CCDC187: variants seen among roughly 807,000 people sequenced by gnomAD.
The protein encoded by CCDC187 is coiled-coil domain-containing protein 187.
Under a neutral mutation model 38.0 loss-of-function variants are expected in CCDC187, and 32 were observed. The ratio of observed to expected loss-of-function variants is 0.84; its 90% CI spans 0.64 to 1.13. The LOEUF is 1.13. CCDC187 is among the 50% of genes most tolerant of loss of function. CCDC187 has a pLI of 0.00. For missense variants in CCDC187, 707 were observed against 786.8 expected (o/e 0.90, Z 1.21); for synonymous variants, 333 against 347.9 (o/e 0.96, Z 0.48).
rs1446467102 is a variant in CCDC187, at chr9:136,286,152, C to T, written c.2766G>A (p.Ser922=). The T allele has an allele frequency of 4.5e-5, 18 of 398,596 alleles. No homozygotes were observed. The highest frequency in any genetic ancestry group is 1.2e-4 in the African/African-American group (6 of 48,772). The allele number at this position is 398,596 out of a possible 1,614,324, so 24.7% of individuals were successfully genotyped here. A position where few individuals can be genotyped will look rare whatever the true frequency, so the allele number is the denominator to read the frequency against. ...GCTGTTGCTCCCAGCTGGGGCCCCA[C>T]GACAGTGTCTCGCCGTCCAGGAAGT... The part of the protein sequence containing the change: ...PTYFLDGETL[S]WGPSWEQQQS... The change falls in exon 8 of 26, where the codon TCG becomes TCA. Residue 922 remains serine (S), a synonymous_variant. Coordinates refer to ENST00000638797, the MANE Select transcript of CCDC187 (RefSeq NM_001378188.1).
chr9:136,279,660 C>G (rs1831001612), intron 10 of CCDC187, among the ~76,000 whole-genome samples: 1 of 152,232 alleles, frequency 6.6e-6, no homozygotes, highest in African/African-American at 2.4e-5. Flanking sequence ...AGAACGGAGC[C>G]CCATCCCAGC....
At chr9:136,283,698 G>A (rs1483096349) in intron 9 of CCDC187, among the ~76,000 whole-genome samples, 11 of 152,226 alleles carry the variant, frequency 7.2e-5, no homozygotes, top group African/African-American at 2.4e-4. Context: ...GCTGCACCCA[G>A]GCTGTGCCAG....
Position 136,257,092 on chromosome 9 carries a change from C to T in CCDC187, c.4367-251G>A, listed in dbSNP as rs1343070203. ...GAAAATTCGTTTAGAATTCAGAGGC[C>T]GGCTGGGCGCAGTGGCTCACGCCTA... On this transcript the variant is annotated intron_variant, in intron 22 of 25. Coordinates refer to ENST00000638797, the MANE Select transcript of CCDC187 (RefSeq NM_001378188.1). The surrounding 1 kb of genome is among the most constrained non-coding windows in gnomAD (Gnocchi z 4.5). 2.6e-5 allele frequency among the ~76,000 whole-genome samples: 4 copies of T among 152,156 alleles called. No individual in the cohort carries two copies. Among genetic ancestry groups the T allele is most frequent in the Admixed American group, 6.5e-5 (1 of 15,274 alleles).
At chr9:136,292,726 C>A (rs1475623919) in intron 4 of CCDC187, among the ~76,000 whole-genome samples, 2 of 152,208 alleles carry the variant, frequency 1.3e-5, no homozygotes, top group East Asian at 3.9e-4. Flanking sequence ...TGCTGCACAT[C>A]GGGCTCCGCG....
At chr9:136,270,207 G>T (rs782792712) in intron 14 of CCDC187, among the ~76,000 whole-genome samples, 2 of 152,200 alleles carry the variant, frequency 1.3e-5, no homozygotes, top group African/African-American at 4.8e-5. Flanking sequence ...AAAGACACAA[G>T]GCAAAGAGAG....
intron 4 of CCDC187, among the ~76,000 whole-genome samples, chr9:136,294,077 C>T (rs1054579618): frequency 0.017 from 2,497 of 150,930 alleles, 74 homozygotes; most frequent in African/African-American, 0.055. Flanking sequence ...CACACTCACA[C>T]GCTCATATAC....
In CCDC187 at chr9:136,254,521, G is replaced by A. The variant is rs145592286; in HGVS notation, c.5307C>T (p.Asp1769=). ...TGGCCCCGGTACAGGGTTCTGGCAG[G>A]TCCTCCTCGCAGTCCTCCTCCCAAA... The part of the protein sequence containing the change: ...SKVWEEDCEE[D]LPEPCTGAKP... Residue 1769 remains aspartate (D), a synonymous_variant, in exon 26 of 26, where the codon GAC becomes GAT. Coordinates refer to ENST00000638797, the MANE Select transcript of CCDC187 (RefSeq NM_001378188.1). 1.4e-5 allele frequency: 14 copies of A among 985,476 alleles called. No homozygotes were observed. The African/African-American group carries it at 2.3e-4, about 16-fold the overall frequency. 61.0% of individuals were successfully genotyped at this position (985,476 alleles called of 1,614,324 possible). A position where few individuals can be genotyped will look rare whatever the true frequency, so the allele number is the denominator to read the frequency against.
chr9:136,293,523 A>G (rs1373930290), intron 4 of CCDC187, among the ~76,000 whole-genome samples: 2 of 85,822 alleles, frequency 2.3e-5, no homozygotes, highest in Admixed American at 1.3e-4. Context: ...ACATGCTCAC[A>G]TACACGCTTA....
Position 136,255,738 on chromosome 9 carries a change from A to G in CCDC187, c.4617-5T>C, listed in dbSNP as rs1432832377. The stretch of plus-strand genomic sequence containing the variant: ...TCCTGCTGACAGGCCTCCGTCCTGC[A>G]AGCACATTCGTGGAGAACCCTGTGG... On this transcript the variant is annotated splice_region_variant and splice_polypyrimidine_tract_variant and intron_variant, in intron 24 of 25. Coordinates refer to ENST00000638797, the MANE Select transcript of CCDC187 (RefSeq NM_001378188.1). The G allele has an allele frequency of 6.1e-6, 6 of 985,224 alleles. No individual in the cohort carries two copies. The African/African-American group carries it at 1.0e-4, about 17-fold the overall frequency. The allele number at this position is 985,224 out of a possible 1,614,324, so 61.0% of individuals were successfully genotyped here.
At position 136,285,495 on chromosome 9, in the gene CCDC187, GT is replaced by G; in HGVS notation, c.2927+17del. ...GGTGGGCAGGTGGGCAGGTGGGCAGGTGGGCAGGTGGTCTTACCTCCCCGCA... is the reference window on the plus strand; with the variant it reads ...GGTGGGCAGGTGGGCAGGTGGGCAGGGGGCAGGTGGTCTTACCTCCCCGCA... On this transcript the variant is annotated intron_variant, in intron 9 of 25. Coordinates refer to ENST00000638797, the MANE Select transcript of CCDC187 (RefSeq NM_001378188.1). The G allele has an allele frequency of 2.5e-6, 1 of 403,840 alleles. No homozygotes were observed. Among genetic ancestry groups the G allele is most frequent in the Non-Finnish European group, 4.4e-6 (1 of 227,742 alleles). 25.0% of individuals were successfully genotyped at this position (403,840 alleles called of 1,614,324 possible).
chr9:136,294,856 G>A (rs1380726771), intron 4 of CCDC187, among the ~76,000 whole-genome samples: 1 of 152,204 alleles, frequency 6.6e-6, no homozygotes. Context: ...CACTGTCTAG[G>A]ACAGGACCCC....
chr9:136,261,509 AC>A (rs1830678671), intron 19 of CCDC187, among the ~76,000 whole-genome samples: 1 of 151,892 alleles, frequency 6.6e-6, no homozygotes, highest in Non-Finnish European at 1.5e-5. Context: ...CTATAAGCAA[AC>A]CCTGGGGGAC....
rs1317595373 is a variant in CCDC187 at position 136,267,407 on chromosome 9, C to T, written c.3624G>A (p.Leu1208=). Residue 1208 remains leucine, a synonymous_variant, in exon 16 of 26, where the codon CTG becomes CTA. Transcript: ENST00000638797. The part of the protein sequence containing the change: ...MALQEKTLAE[L]AWLEHRRGCL... ...ACCCTCGTCGATGCTCCAGCCAGGCCAGCTCCGCGAGCGTTTTCTCCTGGA... is the reference window on the plus strand; with the variant it reads ...ACCCTCGTCGATGCTCCAGCCAGGCTAGCTCCGCGAGCGTTTTCTCCTGGA... 5.1e-6 allele frequency: 5 copies of T among 985,486 alleles called. No individual in the cohort carries two copies. The highest frequency in any genetic ancestry group is 1.7e-5 in the African/African-American group (1 of 57,250). The allele number at this position is 985,486 out of a possible 1,614,324, so 61.0% of individuals were successfully genotyped here. A position where few individuals can be genotyped will look rare whatever the true frequency, so the allele number is the denominator to read the frequency against.
Position 136,251,115 on chromosome 9 carries a change from TGGAA to T in CCDC187, c.*2475_*2478del, listed in dbSNP as rs1554759343. 2.3e-6 allele frequency: 1 copy of T among 444,340 alleles called. No homozygotes were observed. Among genetic ancestry groups the T allele is most frequent in the Admixed American group, 2.4e-5 (1 of 42,352 alleles). The allele number at this position is 444,340 out of a possible 1,614,324, so 27.5% of individuals were successfully genotyped here. The stretch of plus-strand genomic sequence containing the variant: ...GCCCTGGACAGGAGAAGCCACATCC[TGGAA>T]GGATCAGTGCTGGGACACAGATGTC... On this transcript the variant is annotated 3_prime_UTR_variant, in exon 26 of 26. Transcript: ENST00000638797.
intron 3 of CCDC187, among the ~76,000 whole-genome samples, chr9:136,298,547 C>A (rs1338003643): frequency 1.3e-5 from 2 of 152,230 alleles, no homozygotes; most frequent in Non-Finnish European, 2.9e-5. Flanking sequence ...CGAGAACCTG[C>A]CTTGTCCCCA....
rs1013160645 is a variant in CCDC187, at chr9:136,291,406, G to C, written c.1207C>G (p.Arg403Gly). Residue 403 changes from arginine to glycine, a missense_variant, in exon 6 of 26, where the codon CGG becomes GGG. Transcript: ENST00000638797. The stretch of plus-strand genomic sequence containing the variant: ...CTCCCTGCCACGTCCTGCAGCCTCC[G>C]CTTTGATGGCCCGAGCTCTTGCCCT... ...KGGQELGPSKRRLQDVAGRGC... is the reference protein window; with the variant it reads ...KGGQELGPSKGRLQDVAGRGC... 4 of 398,918 alleles carry C rather than the reference G, an allele frequency of 1.0e-5. No homozygotes were observed. Among genetic ancestry groups the C allele is most frequent in the Middle Eastern group, 6.2e-4 (1 of 1,612 alleles). 24.7% of individuals were successfully genotyped at this position (398,918 alleles called of 1,614,324 possible).
chr9:136,262,847 G>A (rs538171319), intron 18 of CCDC187, among the ~76,000 whole-genome samples: 54 of 152,230 alleles, frequency 3.5e-4, no homozygotes, highest in African/African-American at 1.2e-3. Context: ...CCTTACAGAG[G>A]AGACGCGCAG....
Position 136,291,210 on chromosome 9 carries a change from C to G in CCDC187, c.1403G>C (p.Gly468Ala), listed in dbSNP as rs1831320246. The G allele has an allele frequency of 1.8e-5, 7 of 398,600 alleles. No individual in the cohort carries two copies. The highest frequency in any genetic ancestry group is 3.1e-5 in the Non-Finnish European group (7 of 226,158). 24.7% of individuals were successfully genotyped at this position (398,600 alleles called of 1,614,324 possible). A position where few individuals can be genotyped will look rare whatever the true frequency, so the allele number is the denominator to read the frequency against. ...SCPQRAWGAQ[G>A]QDRSFQRPES... The stretch of plus-strand genomic sequence containing the variant: ...CGGCCTCTGGAAGGAGCGGTCCTGT[C>G]CTTGGGCCCCCCAGGCCCTCTGCGG... The change falls in exon 6 of 26, where the codon GGA becomes GCA. Residue 468 changes from glycine to alanine, a missense_variant. Coordinates refer to ENST00000638797, the MANE Select transcript of CCDC187 (RefSeq NM_001378188.1).
intron 9 of CCDC187, among the ~76,000 whole-genome samples, chr9:136,284,952 G>C (rs1047484261): frequency 6.6e-6 from 1 of 152,140 alleles, no homozygotes; most frequent in Non-Finnish European, 1.5e-5. Context: ...GGCTGCAGGC[G>C]CTGGGGTAGG....
Sources: gnomAD v4.1 joint callset for allele counts (sites outside exome capture counted in the v4.1 genomes callset) on GRCh38, gnomAD v4.1.1 for gene constraint, Gnocchi (gnomAD v3.1) non-coding constraint, MANE v1.5 for transcripts, NCBI Gene and HGNC (gene_info 2026-07-23, HGNC 2026-07-21) for gene names.